Variants in AMPH observed in about 807,000 individuals in gnomAD.
AMPH encodes amphiphysin, also known as amphiphysin (Stiff-Mann syndrome with breast cancer 128kD autoantigen).
A neutral mutation model predicts 99.1 loss-of-function variants in AMPH; 49 were observed. The observed-to-expected ratio is 0.49, with a 90% confidence interval of 0.39 to 0.63. AMPH has a LOEUF of 0.63. Ranked by LOEUF, AMPH falls within the 20% of genes least tolerant of loss-of-function variation. The pLI is 0.00. For synonymous variants in AMPH, 314 were observed against 317.3 expected (o/e 0.99, Z 0.11); for missense variants, 759 against 863.4 (o/e 0.88, Z 1.52).
chr7:38,623,462 A>G (rs1794138052), intron 1 of AMPH, among the ~76,000 whole-genome samples: 1 of 152,238 alleles, frequency 6.6e-6, no homozygotes, highest in East Asian at 1.9e-4. Flanking sequence ...AGAATGTCCC[A>G]TAATTATTAT....
At chr7:38,510,412 G>A (rs1239700570) in intron 2 of AMPH, among the ~76,000 whole-genome samples, 1 of 152,122 alleles carries the variant, frequency 6.6e-6, no homozygotes, top group Admixed American at 6.5e-5. Context: ...TAATGACTCT[G>A]AGGAGAACAC....
At chr7:38,622,715 T>C (rs1182709823) in intron 1 of AMPH, among the ~76,000 whole-genome samples, 2 of 152,182 alleles carry the variant, frequency 1.3e-5, no homozygotes, top group Non-Finnish European at 2.9e-5. Flanking sequence ...ACGGGCACTA[T>C]GAGCAAATCT....
At chr7:38,631,066 G>A (rs1173795639) in intron 1 of AMPH, among the ~76,000 whole-genome samples, 3 of 152,054 alleles carry the variant, frequency 2.0e-5, no homozygotes, top group African/African-American at 7.2e-5. Context: ...GCGGGTCCCC[G>A]GCGCTGCGTC....
chr7:38,462,644 T>A (rs1787492849), intron 10 of AMPH, among the ~76,000 whole-genome samples: 2 of 151,844 alleles, frequency 1.3e-5, no homozygotes, highest in African/African-American at 2.4e-5. Flanking sequence ...AGAGGGAAGG[T>A]TTCATGCAGA....
chr7:38,560,735 T>C (rs1295254465), intron 1 of AMPH, among the ~76,000 whole-genome samples: 1 of 152,326 alleles, frequency 6.6e-6, no homozygotes, highest in East Asian at 1.9e-4. Context: ...AGTTTTGAAT[T>C]GAGTACCACT....
intron 17 of AMPH, among the ~76,000 whole-genome samples, chr7:38,394,769 T>C (rs1447170324): frequency 1.3e-5 from 2 of 152,208 alleles, no homozygotes; most frequent in East Asian, 3.8e-4. Context: ...AGTGAGTTTG[T>C]CCCCACTCCC....
intron 1 of AMPH, among the ~76,000 whole-genome samples, chr7:38,595,721 C>T (rs896969615): frequency 1.3e-5 from 2 of 152,164 alleles, no homozygotes; most frequent in Non-Finnish European, 1.5e-5. Flanking sequence ...CAAGCTCCTA[C>T]CCCCACCTCT....
intron 4 of AMPH, among the ~76,000 whole-genome samples, chr7:38,494,002 G>T (rs1788826593): frequency 6.6e-6 from 1 of 152,090 alleles, no homozygotes; most frequent in Non-Finnish European, 1.5e-5. Flanking sequence ...TGTTGCCCAG[G>T]CTGGAGTACA....
At chr7:38,441,871 T>TATATATCATATATCATATATAC (rs1562757870) in intron 11 of AMPH, among the ~76,000 whole-genome samples, 80 of 119,968 alleles carry the variant, frequency 6.7e-4, no homozygotes, top group East Asian at 5.3e-3. Context: ...ATATATATCA[T>TATATATCATATATCATATATAC]ATATATATCA....
intron 12 of AMPH, 125 bp downstream of exon 12, chr7:38,436,147 G>A (rs1232546846): frequency 2.8e-6 from 2 of 704,978 alleles, no homozygotes; most frequent in African/African-American, 1.8e-5. Flanking sequence ...TTCCTATTAG[G>A]AAATATCTGT....
chr7:38,447,325 C>T (rs1186589137), intron 11 of AMPH, among the ~76,000 whole-genome samples: 1 of 152,152 alleles, frequency 6.6e-6, no homozygotes, highest in Non-Finnish European at 1.5e-5. Context: ...GGCCACATTT[C>T]AGTTACTATT....
intron 1 of AMPH, among the ~76,000 whole-genome samples, chr7:38,553,213 G>T (rs1354956152): frequency 6.6e-6 from 1 of 152,208 alleles, no homozygotes; most frequent in Non-Finnish European, 1.5e-5. Context: ...ATAGCTTCAT[G>T]CTATTGTTAC....
At chr7:38,443,982 T>C (rs974290540) in intron 11 of AMPH, among the ~76,000 whole-genome samples, 1 of 151,980 alleles carries the variant, frequency 6.6e-6, no homozygotes, top group Non-Finnish European at 1.5e-5. Flanking sequence ...AATAATTCAG[T>C]TTAGCAAAGC....
chr7:38,543,276 A>G (rs1484492408), intron 1 of AMPH, among the ~76,000 whole-genome samples: 1 of 152,104 alleles, frequency 6.6e-6, no homozygotes, highest in Non-Finnish European at 1.5e-5. Flanking sequence ...AAAAATAAAA[A>G]AACGCTGACC....
At chr7:38,543,758 T>C (rs1471564272) in intron 1 of AMPH, among the ~76,000 whole-genome samples, 1 of 152,198 alleles carries the variant, frequency 6.6e-6, no homozygotes, top group African/African-American at 2.4e-5. Flanking sequence ...ATGATCTTTC[T>C]GGAATAGTGT....
intron 11 of AMPH, among the ~76,000 whole-genome samples, chr7:38,453,836 A>G (rs887342679): frequency 1.3e-5 from 2 of 152,148 alleles, no homozygotes; most frequent in Non-Finnish European, 2.9e-5. Context: ...GCAACTGAGT[A>G]AGGGTATTGT....
intron 2 of AMPH, among the ~76,000 whole-genome samples, chr7:38,515,303 G>A (rs1352695455): frequency 6.6e-6 from 1 of 152,200 alleles, no homozygotes; most frequent in Non-Finnish European, 1.5e-5. Flanking sequence ...AATGTTGGAG[G>A]AGGGACCTGT....
intron 1 of AMPH, among the ~76,000 whole-genome samples, chr7:38,582,328 T>A (rs1217076760): frequency 6.6e-6 from 1 of 152,158 alleles, no homozygotes; most frequent in Non-Finnish European, 1.5e-5. Flanking sequence ...GACAGCAGTT[T>A]AAGTGCCATG....
chr7:38,518,051 C>T lies in AMPH; in HGVS notation c.151-14347G>A, dbSNP rs552089120. The stretch of plus-strand genomic sequence containing the variant: ...AACCAAGGGACTCTGCTCCCCACTT[C>T]TCAGTGCAGCACTCTTTGCCCAGCC... On this transcript the variant is annotated intron_variant, in intron 2 of 20. Transcript: ENST00000356264. 1.4e-4 allele frequency among the ~76,000 whole-genome samples: 22 copies of T among 152,298 alleles called. No homozygotes were observed. In the East Asian group the frequency reaches 4.1e-3, roughly 28 times the overall value.
Sources: gnomAD v4.1 joint callset for allele counts (sites outside exome capture counted in the v4.1 genomes callset) on GRCh38, gnomAD v4.1.1 for gene constraint, MANE v1.5 for transcripts, NCBI Gene and HGNC (gene_info 2026-07-23, HGNC 2026-07-21) for gene names.